Variants in BABAM2 observed in about 807,000 individuals in gnomAD.
BABAM2 encodes BRISC and BRCA1 A complex member 2, also known as BRISC and BRCA1-A complex member 2.
A neutral mutation model predicts 54.7 loss-of-function variants in BABAM2; 31 were observed. The observed-to-expected ratio is 0.57, with a 90% CI of 0.43 to 0.77. The LOEUF (loss-of-function observed/expected upper bound fraction) is 0.77. Among genes scored for constraint, BABAM2 ranks in the 30% least tolerant of loss-of-function variants. BABAM2 has a pLI of 0.00. For synonymous variants in BABAM2, 167 were observed against 162.9 expected (o/e 1.03, Z -0.19); for missense variants, 364 against 455.8 (o/e 0.80, Z 1.83).
chr2:28,048,306 T>G (rs1311988007), intron 6 of BABAM2, among the ~76,000 whole-genome samples: 2 of 152,222 alleles, frequency 1.3e-5, no homozygotes, highest in Non-Finnish European at 2.9e-5. Context: ...AATTATTTTA[T>G]GTTAAAATGA....
intron 7 of BABAM2, among the ~76,000 whole-genome samples, chr2:28,230,887 A>G (rs1441540781): frequency 6.6e-6 from 1 of 152,188 alleles, no homozygotes; most frequent in African/African-American, 2.4e-5. Flanking sequence ...GTGAGATGAC[A>G]AGGTGATTAA....
intron 2 of BABAM2, among the ~76,000 whole-genome samples, chr2:27,912,879 A>G (rs940902868): frequency 6.6e-6 from 1 of 152,214 alleles, no homozygotes; most frequent in Non-Finnish European, 1.5e-5. Context: ...GCAGTGAACT[A>G]TATTGATGTT....
intron 7 of BABAM2, among the ~76,000 whole-genome samples, chr2:28,221,387 C>T (rs1218915167): frequency 1.3e-5 from 2 of 152,262 alleles, no homozygotes; most frequent in East Asian, 1.9e-4. Flanking sequence ...ACACGAAGTA[C>T]GTCGATTTAG....
Position 28,338,573 on chromosome 2 carries a change from T to TA in BABAM2, c.*61dup. ...GCCTGTCCACATGCGTGTCAGCACA[T>TA]ACAGCCGCTTCCTGGAAGCCGCCTG... On this transcript the variant is annotated 3_prime_UTR_variant, in exon 12 of 12. Transcript: ENST00000379624. 6.3e-7 allele frequency: 1 copy of TA among 1,583,694 alleles called. No homozygotes were observed. Among genetic ancestry groups the TA allele is most frequent in the South Asian group, 1.1e-5 (1 of 90,200 alleles).
chr2:28,039,925 A>G (rs929819049), intron 5 of BABAM2, among the ~76,000 whole-genome samples: 3 of 151,344 alleles, frequency 2.0e-5, no homozygotes, highest in African/African-American at 7.3e-5. Flanking sequence ...AATTTTCTGC[A>G]TCTATCCAAG....
At chr2:28,019,154 C>T (rs1382233503) in intron 4 of BABAM2, among the ~76,000 whole-genome samples, 1 of 152,130 alleles carries the variant, frequency 6.6e-6, no homozygotes, top group East Asian at 1.9e-4. Flanking sequence ...TCCAGATTCA[C>T]CCATGTCCCT....
chr2:28,300,913 G>A (rs138025094), intron 11 of BABAM2, among the ~76,000 whole-genome samples: 4 of 152,228 alleles, frequency 2.6e-5, no homozygotes, highest in East Asian at 1.9e-4. Context: ...CCAGCAGCTC[G>A]TGCTAGCAAG....
intron 6 of BABAM2, among the ~76,000 whole-genome samples, chr2:28,115,987 TG>T (rs1295089356): frequency 6.6e-6 from 1 of 151,202 alleles, no homozygotes; most frequent in Non-Finnish European, 1.5e-5. Flanking sequence ...TGGTGGTGTA[TG>T]CCTGTAAACC....
At chr2:28,131,380 C>CCTAAAGAGTGTTT (rs144248752) in intron 7 of BABAM2, among the ~76,000 whole-genome samples, 1 of 101,634 alleles carries the variant, frequency 9.8e-6, no homozygotes, top group Non-Finnish European at 2.1e-5. Context: ...CGCGCCCGGC[C>CCTAAAGAGTGTTT]TATTATTTTT....
intron 3 of BABAM2, among the ~76,000 whole-genome samples, chr2:27,973,430 C>CTT (rs879613609): frequency 1.2e-4 from 17 of 146,620 alleles, no homozygotes; most frequent in South Asian, 6.4e-4. Context: ...AGGATGTAAT[C>CTT]TTTTTTTTTT....
chr2:28,259,335 C>A (rs567716584), intron 10 of BABAM2, among the ~76,000 whole-genome samples: 1 of 152,146 alleles, frequency 6.6e-6, no homozygotes, highest in South Asian at 2.1e-4. Context: ...ATCCACCCAC[C>A]TCGGCCTCCC....
At chr2:28,278,282 A>C (rs1312000764) in intron 10 of BABAM2, among the ~76,000 whole-genome samples, 1 of 152,198 alleles carries the variant, frequency 6.6e-6, no homozygotes, top group African/African-American at 2.4e-5. Flanking sequence ...GGGAGGATGA[A>C]TTCAAGTGGA....
intron 4 of BABAM2, among the ~76,000 whole-genome samples, chr2:28,012,834 C>G (rs1484060845): frequency 6.6e-6 from 1 of 152,166 alleles, no homozygotes; most frequent in African/African-American, 2.4e-5. Flanking sequence ...AGGAATTTGC[C>G]TACTTTCTTT....
At chr2:28,074,603 G>A (rs1664483389) in intron 6 of BABAM2, among the ~76,000 whole-genome samples, 1 of 152,108 alleles carries the variant, frequency 6.6e-6, no homozygotes, top group South Asian at 2.1e-4. Flanking sequence ...TATATGAGAA[G>A]TCATGCCGTA....
intron 4 of BABAM2, among the ~76,000 whole-genome samples, chr2:28,012,148 C>T (rs528562185): frequency 1.3e-5 from 2 of 152,298 alleles, no homozygotes; most frequent in African/African-American, 4.8e-5. Flanking sequence ...TCTTGTAGTA[C>T]AGCCAGGAAA....
chr2:28,106,759 G>T (rs536670999), intron 6 of BABAM2, among the ~76,000 whole-genome samples: 88 of 152,276 alleles, frequency 5.8e-4, no homozygotes, highest in African/African-American at 1.9e-3. Context: ...GGTATTTTGG[G>T]AAGGTCCTTT....
intron 7 of BABAM2, among the ~76,000 whole-genome samples, chr2:28,214,267 A>G (rs954333501): frequency 4.6e-5 from 7 of 152,184 alleles, no homozygotes; most frequent in Non-Finnish European, 8.8e-5. Flanking sequence ...CTGTTCTATC[A>G]CCACAAAAGA....
At chr2:28,095,733 T>A (rs1055350673) in intron 6 of BABAM2, among the ~76,000 whole-genome samples, 2 of 152,170 alleles carry the variant, frequency 1.3e-5, no homozygotes, top group African/African-American at 2.4e-5. Context: ...CAAGGTTTCA[T>A]TAATGGAAAT....
At chr2:28,220,618 CA>C (rs60569384) in intron 7 of BABAM2, among the ~76,000 whole-genome samples, 125,180 of 151,198 alleles carry the variant, frequency 0.83, 52,910 homozygotes, top group East Asian at 1. Flanking sequence ...CAATACCAAC[CA>C]AAAAAAAAAT....
Sources: gnomAD v4.1 joint callset for allele counts (sites outside exome capture counted in the v4.1 genomes callset) on GRCh38, gnomAD v4.1.1 for gene constraint, MANE v1.5 for transcripts, NCBI Gene and HGNC (gene_info 2026-07-23, HGNC 2026-07-21) for gene names.